ABCC4: variants seen among roughly 807,000 people sequenced by gnomAD.
ABCC4 encodes the protein ATP-binding cassette sub-family C member 4.
In ABCC4, 102 loss-of-function variants were observed where a neutral mutation model predicts 168.5. The observed-to-expected ratio is 0.61, with a 90% confidence interval of 0.52 to 0.71. The LOEUF (loss-of-function observed/expected upper bound fraction) is 0.71. Among genes scored for constraint, ABCC4 ranks in the 30% least tolerant of loss-of-function variants. The pLI, the probability that ABCC4 is intolerant of heterozygous loss-of-function variation, is 0.00. For synonymous variants in ABCC4, 617 were observed against 590.7 expected (o/e 1.04, Z -0.65); for missense variants, 1,402 against 1,605.8 (o/e 0.87, Z 2.17).
At chr13:95,170,765 T>C (rs923343748) in intron 13 of ABCC4, 137 bp from the exon 14 acceptor site, 1 of 523,672 alleles carries the variant, frequency 1.9e-6, no homozygotes, top group Admixed American at 3.7e-5. Flanking sequence ...TAAATACAAA[T>C]ATAAGCCAAT....
chr13:95,298,264 G>A lies in ABCC4; in HGVS notation c.74+2977C>T, dbSNP rs146192177. On this transcript the variant is annotated intron_variant, in intron 1 of 30. Coordinates refer to ENST00000645237, the MANE Select transcript of ABCC4 (RefSeq NM_005845.5). Reference sequence around the variant, plus strand: ...AGATTGCACCACTGCACTCCAGCCTGGGTGACAGAGCTGAGCAACAGAGAA... The same window carrying A: ...AGATTGCACCACTGCACTCCAGCCTAGGTGACAGAGCTGAGCAACAGAGAA... 2.1e-3 allele frequency among the ~76,000 whole-genome samples: 327 copies of A among 152,226 alleles called. 2 individuals carry two copies. The highest frequency in any genetic ancestry group is 7.5e-3 in the African/African-American group (311 of 41,558).
At chr13:95,094,925 A>G (rs569660170) in intron 20 of ABCC4, among the ~76,000 whole-genome samples, 1 of 152,360 alleles carries the variant, frequency 6.6e-6, no homozygotes, top group African/African-American at 2.4e-5. Context: ...AGGGAAATGC[A>G]AATCAAAAAC....
At chr13:95,052,146 A>C (rs2032871088) in intron 27 of ABCC4, among the ~76,000 whole-genome samples, 1 of 151,948 alleles carries the variant, frequency 6.6e-6, no homozygotes, top group Admixed American at 6.6e-5. Context: ...ATACCCAGCT[A>C]ATCTCTGTAT....
At chr13:95,186,405 C>T (rs1006382516) in intron 11 of ABCC4, among the ~76,000 whole-genome samples, 9 of 152,000 alleles carry the variant, frequency 5.9e-5, no homozygotes, top group Admixed American at 6.6e-5. Context: ...ACACCCTTCT[C>T]TCCACTTTTG....
chr13:95,171,493 C>T (rs2037474263), intron 13 of ABCC4, among the ~76,000 whole-genome samples: 1 of 150,562 alleles, frequency 6.6e-6, no homozygotes, highest in Admixed American at 6.6e-5. Flanking sequence ...GGAGGTGAGG[C>T]TACAGTGAGC....
Position 95,020,522 on chromosome 13 carries a change from G to A in ABCC4, c.*1053C>T, listed in dbSNP as rs1449358725. On this transcript the variant is annotated 3_prime_UTR_variant, in exon 31 of 31. Coordinates refer to ENST00000645237, the MANE Select transcript of ABCC4 (RefSeq NM_005845.5). The stretch of plus-strand genomic sequence containing the variant: ...AAATGACAATGCTATTAGTGGTCAG[G>A]AGTAAACTAACCTGGACAGGCTCAT... 6.6e-6 allele frequency: 1 copy of A among 152,424 alleles called. No homozygotes were observed. Among genetic ancestry groups the A allele is most frequent in the Non-Finnish European group, 1.5e-5 (1 of 68,028 alleles). 9.4% of individuals were successfully genotyped at this position (152,424 alleles called of 1,614,324 possible). A position where few individuals can be genotyped will look rare whatever the true frequency, so the allele number is the denominator to read the frequency against.
chr13:95,086,233 G>T (rs2034254731), intron 20 of ABCC4, among the ~76,000 whole-genome samples: 1 of 151,852 alleles, frequency 6.6e-6, no homozygotes, highest in African/African-American at 2.4e-5. Context: ...TAAAATATTT[G>T]CTAATAGAAC....
At chr13:95,108,473 G>A (rs187606671) in intron 20 of ABCC4, among the ~76,000 whole-genome samples, 125 of 152,076 alleles carry the variant, frequency 8.2e-4, no homozygotes, top group African/African-American at 2.9e-3. Context: ...TGGTATTCTC[G>A]TGATAGTGAA....
chr13:95,157,074 A>AGAGT lies in ABCC4; in HGVS notation c.2455+4111_2455+4114dup, dbSNP rs2036885654. 2.7e-5 allele frequency among the ~76,000 whole-genome samples: 4 copies of AGAGT among 146,818 alleles called. No homozygotes were observed. In the Admixed American group the frequency reaches 2.8e-4, roughly 10 times the overall value. ...GCCACTGCACTCCAGCCTGGGCGAC[A>AGAGT]GAGTGAGACTCTACCACACACACAC... On this transcript the variant is annotated intron_variant, in intron 19 of 30. Transcript: ENST00000645237.
At chr13:95,275,866 A>T (rs1398643752) in intron 1 of ABCC4, among the ~76,000 whole-genome samples, 1 of 152,200 alleles carries the variant, frequency 6.6e-6, no homozygotes, top group African/African-American at 2.4e-5. Flanking sequence ...GCTAATTATA[A>T]ATCATACACT....
chr13:95,254,738 C>G (rs1262700393), intron 1 of ABCC4, among the ~76,000 whole-genome samples: 1 of 152,212 alleles, frequency 6.6e-6, no homozygotes, highest in Admixed American at 6.5e-5. Flanking sequence ...AAGGCTCACC[C>G]TCTGCCCCTG....
intron 8 of ABCC4, among the ~76,000 whole-genome samples, chr13:95,204,038 G>A (rs765406566): frequency 1.3e-5 from 2 of 152,212 alleles, no homozygotes; most frequent in East Asian, 1.9e-4. Context: ...TGCTCGGCAG[G>A]AACAAAAGTA....
chr13:95,201,150 A>C (rs1339229242), intron 8 of ABCC4, among the ~76,000 whole-genome samples: 4 of 152,228 alleles, frequency 2.6e-5, no homozygotes, highest in African/African-American at 4.8e-5. Context: ...GACACAGAGC[A>C]CCTTGCCAAA....
At chr13:95,025,208 ACCCC>A (rs1254150411) in intron 30 of ABCC4, among the ~76,000 whole-genome samples, 1 of 31,714 alleles carries the variant, frequency 3.2e-5, no homozygotes, top group Admixed American at 3.6e-4. Flanking sequence ...ACACCCCCAC[ACCCC>A]CCACACACCC....
At chr13:95,041,453 G>A (rs7993878) in intron 29 of ABCC4, among the ~76,000 whole-genome samples, 26,949 of 152,114 alleles carry the variant, frequency 0.18, 2,968 homozygotes, top group African/African-American at 0.31. Flanking sequence ...GCAACAAAAC[G>A]TAATTATTAC....
chr13:95,150,022 G>T (rs189774287), intron 19 of ABCC4, among the ~76,000 whole-genome samples: 204 of 152,236 alleles, frequency 1.3e-3, no homozygotes, highest in African/African-American at 4.7e-3. Flanking sequence ...CCTAGGCTTG[G>T]GGGGGCAATA....
At chr13:95,186,658 T>C in intron 11 of ABCC4, 43 bp downstream of exon 11, 1 of 1,564,296 alleles carries the variant, frequency 6.4e-7, no homozygotes, top group Non-Finnish European at 8.7e-7. Context: ...ACACTAGTAT[T>C]ACTGGACATT....
rs1044690665 is a variant in ABCC4, at chr13:95,234,599, A to G, written c.531+11T>C. The G allele has an allele frequency of 5.0e-6, 8 of 1,607,578 alleles. No homozygotes were observed. Among genetic ancestry groups the G allele is most frequent in the Non-Finnish European group, 6.8e-6 (8 of 1,174,292 alleles). On this transcript the variant is annotated intron_variant, in intron 4 of 30. Coordinates refer to ENST00000645237, the MANE Select transcript of ABCC4 (RefSeq NM_005845.5). ...AGGTGAGGTACATGTTTAATGCTGA[A>G]TGTCACTTACCTTCCGATAAATCAT...
intron 4 of ABCC4, among the ~76,000 whole-genome samples, chr13:95,214,684 G>A (rs1023991181): frequency 3.9e-5 from 6 of 152,056 alleles, no homozygotes; most frequent in East Asian, 1.9e-4. Context: ...CCAGGACTTC[G>A]AGACCAGCCT....
Sources: allele counts gnomAD v4.1 joint callset (sites outside exome capture counted in the v4.1 genomes callset), GRCh38; gene constraint gnomAD v4.1.1; transcripts MANE v1.5; gene names NCBI Gene and HGNC (gene_info 2026-07-23, HGNC 2026-07-21).